KCNJ10: variants seen among roughly 807,000 people sequenced by gnomAD.
KCNJ10 encodes potassium inwardly rectifying channel subfamily J member 10.
A neutral mutation model predicts 22.2 loss-of-function variants in KCNJ10; 9 were observed. The ratio of observed to expected loss-of-function variants is 0.40; its 90% confidence interval spans 0.24 to 0.71. The LOEUF (loss-of-function observed/expected upper bound fraction) is 0.71, where lower values mean the gene tolerates loss of function less well. KCNJ10 is among the 30% of genes least tolerant of loss of function. The pLI, the probability that KCNJ10 is intolerant of heterozygous loss-of-function variation, is 0.35. For missense variants in KCNJ10, 337 were observed against 482.7 expected, an observed-to-expected ratio of 0.70 and a Z score of 2.83; for synonymous variants, 184 against 187.3, an observed-to-expected ratio of 0.98 and a Z score of 0.15.
In KCNJ10 at chr1:160,041,181, T is replaced by C. The variant is rs930429118; in HGVS notation, c.*212A>G. The C allele has an allele frequency of 1.3e-5, 8 of 608,756 alleles. No homozygotes were observed. Among genetic ancestry groups the C allele is most frequent in the Non-Finnish European group, 2.4e-5 (8 of 340,332 alleles). 37.7% of individuals were successfully genotyped at this position (608,756 alleles called of 1,614,324 possible). Reference sequence around the variant, plus strand: ...TCCTGGCTTAAGGGAGGTATGTGTATTGGGGCAGAAGCTGGGGAAGTGGAA... The same window carrying C: ...TCCTGGCTTAAGGGAGGTATGTGTACTGGGGCAGAAGCTGGGGAAGTGGAA... On this transcript the variant is annotated 3_prime_UTR_variant, in exon 2 of 2. Transcript: ENST00000644903. This position sits in a 1 kb window ranked among gnomAD's most constrained non-coding sequence, Gnocchi z 4.4.
chr1:160,066,455 A>G (rs1273744537), intron 1 of KCNJ10, among the ~76,000 whole-genome samples: 1 of 152,192 alleles, frequency 6.6e-6, no homozygotes, highest in African/African-American at 2.4e-5. Context: ...ACAAGGAAAG[A>G]TGACACAGTA....
chr1:160,041,533 C>G lies in KCNJ10; in HGVS notation c.1000G>C (p.Val334Leu). Residue 334 changes from valine (V) to leucine (L), a missense_variant, in exon 2 of 2, where the codon GTG becomes CTG. Physicochemically the swap from Val to Leu is conservative, Grantham distance 32 (BLOSUM62 1). Coordinates refer to ENST00000644903, the MANE Select transcript of KCNJ10 (RefSeq NM_002241.5). This position sits in a 1 kb window ranked among gnomAD's most constrained non-coding sequence, Gnocchi z 4.4. ...AGGCCACTAGGAGAGGCCACTTTCA[C>G]AACTTGGTCAAAAAGGCTAAAGTCA... ...IADFSLFDQV[V>L]KVASPSGLRD... The G allele has an allele frequency of 6.2e-7, 1 of 1,614,202 alleles. No individual in the cohort carries two copies. The highest frequency in any genetic ancestry group is 8.5e-7 in the Non-Finnish European group (1 of 1,180,024).
In KCNJ10 at chr1:160,041,455, A is replaced by C. The variant is rs1355421021; in HGVS notation, c.1078T>G (p.Ser360Ala). 1.2e-6 allele frequency: 2 copies of C among 1,613,616 alleles called. No homozygotes were observed. The highest frequency in any genetic ancestry group is 1.7e-6 in the Non-Finnish European group (2 of 1,179,946). Residue 360 changes from serine to alanine, a missense_variant, in exon 2 of 2, where the codon TCA becomes GCA. Coordinates refer to ENST00000644903, the MANE Select transcript of KCNJ10 (RefSeq NM_002241.5). This position sits in a 1 kb window ranked among gnomAD's most constrained non-coding sequence, Gnocchi z 4.4. ...GDPEKLKLEE[S>A]LREQAEKEGS... ...TCCTTCTCAGCTTGCTCCCTTAATG[A>C]CTCCTCCAACTTGAGCTTTTCAGGG...
intron 1 of KCNJ10, among the ~76,000 whole-genome samples, chr1:160,065,910 G>A (rs1376371118): frequency 6.6e-6 from 1 of 152,102 alleles, no homozygotes; most frequent in African/African-American, 2.4e-5. Context: ...TCATTAAGGA[G>A]GCTGCTGTGG....
At chr1:160,069,841 C>T (rs1446002181) in intron 1 of KCNJ10, among the ~76,000 whole-genome samples, 181 bp downstream of exon 1, 1 of 152,142 alleles carries the variant, frequency 6.6e-6, no homozygotes, top group Non-Finnish European at 1.5e-5. Flanking sequence ...TCGTGGGGAG[C>T]CCTTCCCAGG....
At chr1:160,043,437 T>G (rs1291544358) in intron 1 of KCNJ10, among the ~76,000 whole-genome samples, 1 of 152,356 alleles carries the variant, frequency 6.6e-6, no homozygotes, top group Non-Finnish European at 1.5e-5. Context: ...AGATGCTCCC[T>G]AAGCACCCAG....
chr1:160,063,528 C>T (rs1409932239), intron 1 of KCNJ10: 1 of 152,382 alleles, frequency 6.6e-6, no homozygotes, highest in East Asian at 1.9e-4. Context: ...TGTCTGCCCT[C>T]AAGGCTTCCC....
chr1:160,039,423 C>G lies in KCNJ10; in HGVS notation c.*1970G>C, dbSNP rs1010615689. Reference sequence around the variant, plus strand: ...ACACACACACACACACACACACACACAGCAGTACATCTTGTCCCTACACAC... The same window carrying G: ...ACACACACACACACACACACACACAGAGCAGTACATCTTGTCCCTACACAC... On this transcript the variant is annotated 3_prime_UTR_variant, in exon 2 of 2. Coordinates refer to ENST00000644903, the MANE Select transcript of KCNJ10 (RefSeq NM_002241.5). The G allele has an allele frequency of 7.7e-5, 11 of 142,848 alleles. No individual in the cohort carries two copies. Among genetic ancestry groups the G allele is most frequent in the Non-Finnish European group, 1.5e-4 (10 of 65,378 alleles). The allele number at this position is 142,848 out of a possible 1,614,324, so 8.8% of individuals were successfully genotyped here. A position where few individuals can be genotyped will look rare whatever the true frequency, so the allele number is the denominator to read the frequency against.
At chr1:160,052,025 T>G (rs572281512) in intron 1 of KCNJ10, among the ~76,000 whole-genome samples, 1 of 152,284 alleles carries the variant, frequency 6.6e-6, no homozygotes, top group South Asian at 2.1e-4. Flanking sequence ...CTTCAAATTC[T>G]TTACCACACT....
chr1:160,065,625 G>A (rs755739915), intron 1 of KCNJ10, among the ~76,000 whole-genome samples: 24 of 152,196 alleles, frequency 1.6e-4, no homozygotes, highest in Non-Finnish European at 3.4e-4. Context: ...AGAGTGTGGG[G>A]AGGAGCATGG....
At chr1:160,056,646 G>T (rs1649042924) in intron 1 of KCNJ10, among the ~76,000 whole-genome samples, 1 of 152,124 alleles carries the variant, frequency 6.6e-6, no homozygotes, top group Non-Finnish European at 1.5e-5. Context: ...ATCATCCTTT[G>T]TTCTCCTCTA....
chr1:160,062,429 C>T (rs892572591), intron 1 of KCNJ10: 1 of 152,382 alleles, frequency 6.6e-6, no homozygotes, highest in Non-Finnish European at 1.5e-5. Context: ...AGCCCTCTCC[C>T]TGTCCCACAG....
At chr1:160,052,134 C>G (rs1386237429) in intron 1 of KCNJ10, among the ~76,000 whole-genome samples, 1 of 152,172 alleles carries the variant, frequency 6.6e-6, no homozygotes, top group Non-Finnish European at 1.5e-5. Flanking sequence ...CCTACTTCTT[C>G]CCTGTAGAAA....
Position 160,041,732 on chromosome 1 carries a change from A to C in KCNJ10, c.801T>G (p.Asp267Glu). Reference sequence around the variant, plus strand: ...CACCCTCACCACTGCGAAGAGGGAGATCTTTCAAGGGACTGGTCTCATCTA... The same window carrying C: ...CACCCTCACCACTGCGAAGAGGGAGCTCTTTCAAGGGACTGGTCTCATCTA... ...HVVDETSPLK[D>E]LPLRSGEGDF... Residue 267 changes from aspartate (D) to glutamate (E), a missense_variant, in exon 2 of 2, where the codon GAT becomes GAG. Asp to Glu is a conservative substitution (Grantham distance 45). This residue lies in a region of KCNJ10 where 165 missense variants were observed against 281.5 expected (regional missense o/e 0.59). Coordinates refer to ENST00000644903, the MANE Select transcript of KCNJ10 (RefSeq NM_002241.5). The surrounding 1 kb of genome is among the most constrained non-coding windows in gnomAD (Gnocchi z 4.4). 1 of 1,614,138 alleles carries C rather than the reference A, an allele frequency of 6.2e-7. No individual in the cohort carries two copies. Among genetic ancestry groups the C allele is most frequent in the Non-Finnish European group, 8.5e-7 (1 of 1,180,018 alleles).
intron 1 of KCNJ10, among the ~76,000 whole-genome samples, chr1:160,056,451 G>A (rs1349720431): frequency 6.6e-6 from 1 of 151,972 alleles, no homozygotes; most frequent in African/African-American, 2.4e-5. Flanking sequence ...TCTTTGCTCG[G>A]GCAGCTCGCT....
At chr1:160,044,611 G>T (rs1648697702) in intron 1 of KCNJ10, 1 of 152,186 alleles carries the variant, frequency 6.6e-6, no homozygotes. Context: ...ATTGATCCTA[G>T]GCAAGATTCT....
rs1648584806 is a variant in KCNJ10 at position 160,040,944 on chromosome 1, C to CAAGGTG, written c.*448_*449insCACCTT. ...CCTGTATTTCTGAAAGCACAGACCA[C>CAAGGTG]AAAGTGACCATCAGAGAGAGTCTTG... On this transcript the variant is annotated 3_prime_UTR_variant, in exon 2 of 2. Transcript: ENST00000644903. 3.2e-6 allele frequency: 1 copy of CAAGGTG among 308,824 alleles called. No individual in the cohort carries two copies. Among genetic ancestry groups the CAAGGTG allele is most frequent in the African/African-American group, 2.1e-5 (1 of 48,036 alleles). 19.1% of individuals were successfully genotyped at this position (308,824 alleles called of 1,614,324 possible). A position where few individuals can be genotyped will look rare whatever the true frequency, so the allele number is the denominator to read the frequency against.
At chr1:160,044,461 G>GA (rs964043930) in intron 1 of KCNJ10, among the ~76,000 whole-genome samples, 5 of 151,422 alleles carry the variant, frequency 3.3e-5, no homozygotes, top group African/African-American at 7.3e-5. Flanking sequence ...TCAAACTCTT[G>GA]AAAAAAAAGA....
rs370664864 is a variant in KCNJ10 at position 160,041,464 on chromosome 1, A to G, written c.1069T>C (p.Leu357=). The change falls in exon 2 of 2, where the codon TTG becomes CTG. Residue 357 remains leucine (L), a synonymous_variant. Coordinates refer to ENST00000644903, the MANE Select transcript of KCNJ10 (RefSeq NM_002241.5). The surrounding 1 kb of genome is among the most constrained non-coding windows in gnomAD (Gnocchi z 4.4). ...GCTTGCTCCCTTAATGACTCCTCCA[A>G]CTTGAGCTTTTCAGGGTCTCCGTAG... ...VRYGDPEKLK[L]EESLREQAEK... is the part of the protein sequence containing the mutation. 12 of 1,614,026 alleles carry G rather than the reference A, an allele frequency of 7.4e-6. No homozygotes were observed. Among genetic ancestry groups the G allele is most frequent in the African/African-American group, 2.7e-5 (2 of 74,920 alleles).
Sources: allele counts gnomAD v4.1 joint callset (sites outside exome capture counted in the v4.1 genomes callset), GRCh38; gene constraint gnomAD v4.1.1; regional missense constraint gnomAD v4.1.1; non-coding constraint Gnocchi (gnomAD v3.1); transcripts MANE v1.5; gene names NCBI Gene and HGNC (gene_info 2026-07-23, HGNC 2026-07-21).